Variants in ARPC2 observed in about 807,000 individuals in gnomAD.
ARPC2 encodes the protein actin-related protein 2/3 complex subunit 2.
A neutral mutation model predicts 38.6 loss-of-function variants in ARPC2; 4 were observed. That is an observed-to-expected ratio of 0.10 (90% CI 0.05 to 0.24). The LOEUF is 0.24. ARPC2 is among the 10% of genes least tolerant of loss of function. ARPC2 has a pLI of 1.00. For missense variants in ARPC2, 229 were observed against 387.3 expected (o/e 0.59, Z 3.43); for synonymous variants, 125 against 140.8 (o/e 0.89, Z 0.79).
chr2:218,245,171 A>G (rs1179139476), intron 7 of ARPC2, among the ~76,000 whole-genome samples: 1 of 152,274 alleles, frequency 6.6e-6, no homozygotes, highest in Non-Finnish European at 1.5e-5. Context: ...GAAAAGGATT[A>G]TCACTACTTT....
chr2:218,249,674 T>TGC (rs973060184), intron 9 of ARPC2, 147 bp from the exon 10 acceptor site: 1 of 819,912 alleles, frequency 1.2e-6, no homozygotes, highest in African/African-American at 1.7e-5. Context: ...TTTCCAGAAT[T>TGC]GCTCACCTTC....
At chr2:218,247,399 C>G (rs1247911492) in intron 8 of ARPC2, among the ~76,000 whole-genome samples, 3 of 152,224 alleles carry the variant, frequency 2.0e-5, no homozygotes, top group Non-Finnish European at 4.4e-5. Flanking sequence ...TTTAATTCAC[C>G]TCAGTGGTAA....
intron 2 of ARPC2, among the ~76,000 whole-genome samples, chr2:218,220,977 C>G (rs1222738666): frequency 6.6e-6 from 1 of 152,200 alleles, no homozygotes; most frequent in Non-Finnish European, 1.5e-5. Flanking sequence ...CAGGTCTGAT[C>G]AACAGCATTG....
intron 4 of ARPC2, chr2:218,233,334 CAG>C (rs1689685150): frequency 1.3e-5 from 2 of 151,342 alleles, no homozygotes; most frequent in South Asian, 4.2e-4. Context: ...GCCTGGACAA[CAG>C]AGTAAGACTC....
In ARPC2 at chr2:218,217,465, G is replaced by T. The variant is rs951457880; in HGVS notation, c.-6G>T. 6.2e-7 allele frequency: 1 copy of T among 1,613,738 alleles called. No homozygotes were observed. Among genetic ancestry groups the T allele is most frequent in the Non-Finnish European group, 8.5e-7 (1 of 1,179,752 alleles). On this transcript the variant is annotated splice_region_variant and 5_prime_UTR_variant, in exon 2 of 11. Transcript: ENST00000315717. Reference sequence around the variant, plus strand: ...GTTTCTCCTTCCCCTGGGGGCAGCCGCCGCCATGATCCTGCTGGAGGTGAA... The same window carrying T: ...GTTTCTCCTTCCCCTGGGGGCAGCCTCCGCCATGATCCTGCTGGAGGTGAA...
chr2:218,244,406 T>C (rs965703599), intron 7 of ARPC2, among the ~76,000 whole-genome samples: 1 of 152,186 alleles, frequency 6.6e-6, no homozygotes, highest in Non-Finnish European at 1.5e-5. Flanking sequence ...TCCTGTACAG[T>C]GTGATGATAC....
At chr2:218,236,354 T>C (rs1689768688) in intron 5 of ARPC2, 2 of 152,246 alleles carry the variant, frequency 1.3e-5, no homozygotes, top group South Asian at 2.1e-4. Context: ...TCTGTGTGCT[T>C]ATTTGGTTTT....
intron 10 of ARPC2, among the ~76,000 whole-genome samples, 160 bp downstream of exon 10, chr2:218,250,081 A>C (rs1690149231): frequency 6.6e-6 from 1 of 152,010 alleles, no homozygotes; most frequent in Admixed American, 6.6e-5. Flanking sequence ...CCATGTTCTC[A>C]CTGCCATATA....
intron 8 of ARPC2, among the ~76,000 whole-genome samples, chr2:218,247,475 ACTTTTTT>A (rs1690068161): frequency 6.6e-6 from 1 of 152,012 alleles, no homozygotes; most frequent in African/African-American, 2.4e-5. Context: ...TAAACTATAC[ACTTTTTT>A]CTTTTTTCTT....
chr2:218,227,982 T>C (rs1369775124), intron 3 of ARPC2, among the ~76,000 whole-genome samples: 2 of 152,234 alleles, frequency 1.3e-5, no homozygotes, highest in African/African-American at 2.4e-5. Context: ...TAACAAATAG[T>C]CTTCTGTATC....
intron 4 of ARPC2, among the ~76,000 whole-genome samples, chr2:218,231,463 C>T (rs926162860): frequency 6.6e-6 from 1 of 152,176 alleles, no homozygotes; most frequent in Non-Finnish European, 1.5e-5. Context: ...CTGATTTCCC[C>T]TTCCTCGAAA....
chr2:218,224,135 G>A (rs1236218885), intron 2 of ARPC2, among the ~76,000 whole-genome samples: 2 of 152,272 alleles, frequency 1.3e-5, no homozygotes, highest in South Asian at 2.1e-4. Context: ...ACTTAAGATC[G>A]ATCGTAGCAA....
In ARPC2 at chr2:218,241,413, G is replaced by A. The variant is rs11901011; in HGVS notation, c.549+1929G>A. Among the ~76,000 whole-genome samples the A allele has an allele frequency of 8.2e-3, 1,249 of 152,258 alleles. 13 individuals are homozygous for A. The highest frequency in any genetic ancestry group is 0.026 in the African/African-American group (1,067 of 41,546). On this transcript the variant is annotated intron_variant, in intron 7 of 10. Transcript: ENST00000315717. ...GATGAAGGAATATATAAATATACATGTATCTCTTGGGTCCTAAAAGTAAGC... is the reference window on the plus strand; with the variant it reads ...GATGAAGGAATATATAAATATACATATATCTCTTGGGTCCTAAAAGTAAGC...
At chr2:218,219,402 T>G (rs1689334418) in intron 2 of ARPC2, among the ~76,000 whole-genome samples, 1 of 151,766 alleles carries the variant, frequency 6.6e-6, no homozygotes. Flanking sequence ...CTGGCTGGAA[T>G]GCAGTGGCGC....
At chr2:218,223,468 T>C (rs1284915617) in intron 2 of ARPC2, among the ~76,000 whole-genome samples, 1 of 152,216 alleles carries the variant, frequency 6.6e-6, no homozygotes, top group African/African-American at 2.4e-5. Flanking sequence ...AAGTGATTCC[T>C]TTAAGTAAAA....
chr2:218,238,669 A>C lies in ARPC2; in HGVS notation c.274A>C (p.Asn92His). Residue 92 changes from asparagine to histidine, a missense_variant, in exon 6 of 11, where the codon AAT becomes CAT. Coordinates refer to ENST00000315717, the MANE Select transcript of ARPC2 (RefSeq NM_152862.3). ...SFLVNPESGY[N>H]VSLLYDLENL... ...TGTTTTTTCTTTCCCTCCAGGATAC[A>C]ATGTCTCTTTGCTATATGACCTTGA... 2 of 1,597,100 alleles carry C rather than the reference A, an allele frequency of 1.3e-6. No individual in the cohort carries two copies. Among genetic ancestry groups the C allele is most frequent in the South Asian group, 2.2e-5 (2 of 89,346 alleles).
intron 1 of ARPC2, 33 bp downstream of exon 1, chr2:218,217,287 GC>G: frequency 1.6e-6 from 1 of 616,998 alleles, no homozygotes; most frequent in Non-Finnish European, 2.9e-6. Flanking sequence ...TCCACAGTCT[GC>G]GTGCGTGGGC....
chr2:218,241,767 T>A (rs1421570493), intron 7 of ARPC2, among the ~76,000 whole-genome samples: 2 of 152,256 alleles, frequency 1.3e-5, no homozygotes, highest in Non-Finnish European at 2.9e-5. Flanking sequence ...AGACAAAGCC[T>A]CTTTTGCATT....
At chr2:218,239,680 G>A (rs1033561895) in intron 7 of ARPC2, 196 bp downstream of exon 7, 44 of 506,488 alleles carry the variant, frequency 8.7e-5, no homozygotes, top group Middle Eastern at 4.1e-4. Context: ...TGCAACCTCC[G>A]CCTCCCAGGT....
Sources: allele counts gnomAD v4.1 joint callset (sites outside exome capture counted in the v4.1 genomes callset), GRCh38; gene constraint gnomAD v4.1.1; transcripts MANE v1.5; gene names NCBI Gene and HGNC (gene_info 2026-07-23, HGNC 2026-07-21).